Variants in GC observed in about 807,000 individuals in gnomAD.
GC encodes GC vitamin D binding protein.
Under a neutral mutation model 56.7 loss-of-function variants are expected in GC, and 43 were observed. The observed-to-expected ratio is 0.76, with a 90% CI of 0.59 to 0.98. GC has a LOEUF of 0.98. GC is among the 50% of genes least tolerant of loss of function. GC has a pLI of 0.00. For missense variants in GC, 529 were observed against 545.9 expected (o/e 0.97, Z 0.31); for synonymous variants, 216 against 202.7 (o/e 1.07, Z -0.56).
intron 11 of GC, among the ~76,000 whole-genome samples, chr4:71,752,181 TTC>T (rs1209240953): frequency 6.6e-6 from 1 of 152,182 alleles, no homozygotes; most frequent in Non-Finnish European, 1.5e-5. Context: ...ATTCTTATTC[TTC>T]TCTTTTTCAT....
In GC at chr4:71,746,204, A is replaced by G. The variant is rs980715495; in HGVS notation, c.1397T>C (p.Ile466Thr). The change falls in exon 12 of 13, where the codon ATT becomes ACT. Residue 466 changes from isoleucine (I) to threonine (T), a missense_variant and splice_region_variant. Coordinates refer to ENST00000273951, the MANE Select transcript of GC (RefSeq NM_000583.4). ...CAGGATATTCTTCAATTCAGCATCA[A>G]TCTGATAATGAAAAAAGAATGTTAT... ...NSPPLYCDSE[I>T]DAELKNIL 8 of 1,301,006 alleles carry G rather than the reference A, an allele frequency of 6.1e-6. No homozygotes were observed. The highest frequency in any genetic ancestry group is 8.9e-6 in the Non-Finnish European group (8 of 900,206). The allele number at this position is 1,301,006 out of a possible 1,614,324, so 80.6% of individuals were successfully genotyped here.
chr4:71,796,979 C>G (rs895292653), intron 1 of GC, among the ~76,000 whole-genome samples: 1 of 152,224 alleles, frequency 6.6e-6, no homozygotes, highest in Non-Finnish European at 1.5e-5. Context: ...CCCTGTTTGC[C>G]TGGGTGTCAC....
intron 10 of GC, 122 bp from the exon 11 acceptor site, chr4:71,752,772 T>C: frequency 1.1e-6 from 1 of 879,176 alleles, no homozygotes; most frequent in South Asian, 1.6e-5. Flanking sequence ...TACTTGCCTG[T>C]CTCAAGAAAA....
At chr4:71,784,959 A>G (rs1278288935), upstream of GC, among the ~76,000 whole-genome samples, 1 of 151,728 alleles carries the variant, frequency 6.6e-6, no homozygotes, top group Non-Finnish European at 1.5e-5. Context: ...TAGGTAGATC[A>G]TTCATTGGAA....
chr4:71,793,008 C>G (rs1484041003), intron 1 of GC, among the ~76,000 whole-genome samples: 1 of 152,142 alleles, frequency 6.6e-6, no homozygotes, highest in African/African-American at 2.4e-5. Context: ...CTGTTCTGTT[C>G]CAATGGTCTA....
chr4:71,746,197 A>G lies in GC; in HGVS notation c.1404T>C (p.Ala468=). The change falls in exon 12 of 13, where the codon GCT becomes GCC. Residue 468 remains alanine (A), a synonymous_variant. Transcript: ENST00000273951. ...AGGACTACAGGATATTCTTCAATTC[A>G]GCATCAATCTGATAATGAAAAAAGA... ...PPLYCDSEID[A]ELKNIL 1 of 1,334,130 alleles carries G rather than the reference A, an allele frequency of 7.5e-7. No individual in the cohort carries two copies. The highest frequency in any genetic ancestry group is 1.5e-5 in the African/African-American group (1 of 68,894). The allele number at this position is 1,334,130 out of a possible 1,614,324, so 82.6% of individuals were successfully genotyped here.
At chr4:71,797,166 C>A (rs1578325727) in intron 1 of GC, among the ~76,000 whole-genome samples, 1 of 152,354 alleles carries the variant, frequency 6.6e-6, no homozygotes, top group East Asian at 1.9e-4. Context: ...AGGAGGCAGT[C>A]TGTCCATTCT....
intron 11 of GC, among the ~76,000 whole-genome samples, chr4:71,750,871 C>T (rs374415677): frequency 1.9e-4 from 27 of 145,284 alleles, no homozygotes; most frequent in African/African-American, 5.1e-4. Flanking sequence ...GGTGACAGAA[C>T]GGGACTTCAT....
At chr4:71,768,789 T>G (rs1742256089) in intron 2 of GC, among the ~76,000 whole-genome samples, 1 of 152,226 alleles carries the variant, frequency 6.6e-6, no homozygotes, top group South Asian at 2.1e-4. Context: ...TTTTTACATT[T>G]TGGCACATTA....
chr4:71,776,579 A>G (rs1292107397), intron 1 of GC, among the ~76,000 whole-genome samples: 1 of 151,776 alleles, frequency 6.6e-6, no homozygotes, highest in Non-Finnish European at 1.5e-5. Context: ...TTTGAGATCT[A>G]TTTTGCGTCA....
rs1027644748 is a variant in GC at position 71,757,578 on chromosome 4, C to T, written c.831+464G>A. Among the ~76,000 whole-genome samples the T allele has an allele frequency of 2.7e-5, 4 of 146,184 alleles. No homozygotes were observed. In the Admixed American group the frequency reaches 2.9e-4, roughly 10 times the overall value. ...TCTACTAGTATAATGGTTGAAGTGC[C>T]GCTTAATGGAACTTTACGCAATAAT... On this transcript the variant is annotated intron_variant, in intron 7 of 12. Transcript: ENST00000273951.
intron 1 of GC, among the ~76,000 whole-genome samples, chr4:71,795,407 A>ATGTAATGG (rs755029429): frequency 1.3e-5 from 2 of 152,196 alleles, no homozygotes; most frequent in Non-Finnish European, 2.9e-5. Context: ...CTTTACCATT[A>ATGTAATGG]TGTAATGGCC....
chr4:71,802,937 G>C (rs973347440), intron 1 of GC, among the ~76,000 whole-genome samples: 1 of 152,040 alleles, frequency 6.6e-6, no homozygotes, highest in Non-Finnish European at 1.5e-5. Context: ...AGCATGCTGA[G>C]TATGTATAGC....
exon 1 of GC, chr4:71,803,937 A>G: frequency 6.6e-7 from 1 of 1,508,306 alleles, no homozygotes; most frequent in Non-Finnish European, 8.9e-7. Context: ...TCACTCCAAG[A>G]CCACAGCATT....
intron 1 of GC, among the ~76,000 whole-genome samples, chr4:71,773,859 G>A (rs1742417679): frequency 6.6e-6 from 1 of 151,820 alleles, no homozygotes; most frequent in Non-Finnish European, 1.5e-5. Flanking sequence ...TTTCTATTCT[G>A]TACTGACAGA....
chr4:71,805,299 C>T (rs1251566938), upstream of GC, among the ~76,000 whole-genome samples: 1 of 152,108 alleles, frequency 6.6e-6, no homozygotes, highest in African/African-American at 2.4e-5. Flanking sequence ...CTTGGAAATC[C>T]CAAGCAGGCA....
chr4:71,764,192 G>A lies in GC; in HGVS notation c.474-256C>T, dbSNP rs140657661. On this transcript the variant is annotated intron_variant, in intron 4 of 12. Transcript: ENST00000273951. ...AAATTAGGTCTCACTAATTGTCCCAGGTTGGTCTTGAACTCCTGGGCTCAA... is the reference window on the plus strand; with the variant it reads ...AAATTAGGTCTCACTAATTGTCCCAAGTTGGTCTTGAACTCCTGGGCTCAA... Among the ~76,000 whole-genome samples, 42 of 152,128 alleles carry A rather than the reference G, an allele frequency of 2.8e-4. No homozygotes were observed. In the East Asian group the frequency reaches 7.3e-3, roughly 27 times the overall value.
intron 1 of GC, among the ~76,000 whole-genome samples, chr4:71,799,255 C>T (rs74706296): frequency 0.07 from 10,728 of 152,220 alleles, 516 homozygotes; most frequent in Non-Finnish European, 0.11. Flanking sequence ...AACCAAGATC[C>T]ACTCATTCCC....
intron 11 of GC, among the ~76,000 whole-genome samples, chr4:71,749,975 A>G (rs933203472): frequency 6.6e-6 from 1 of 152,202 alleles, no homozygotes; most frequent in Non-Finnish European, 1.5e-5. Context: ...AAGAAATTAG[A>G]AAAAGATGTA....
Sources: gnomAD v4.1 joint callset for allele counts (sites outside exome capture counted in the v4.1 genomes callset) on GRCh38, gnomAD v4.1.1 for gene constraint, MANE v1.5 for transcripts, NCBI Gene and HGNC (gene_info 2026-07-23, HGNC 2026-07-21) for gene names.